ADGRB1: variants seen among roughly 807,000 people sequenced by gnomAD.
The protein encoded by ADGRB1 is brain-specific angiogenesis inhibitor 1.
Under a neutral mutation model 175.7 loss-of-function variants are expected in ADGRB1, and 36 were observed. The observed-to-expected ratio is 0.20, with a 90% confidence interval of 0.16 to 0.27. The LOEUF (loss-of-function observed/expected upper bound fraction) is 0.27. Ranked by LOEUF, ADGRB1 falls within the 10% of genes least tolerant of loss-of-function variation. The pLI, the probability that ADGRB1 is intolerant of heterozygous loss-of-function variation, is 1.00. For synonymous variants in ADGRB1, 1,054 were observed against 979.4 expected, an observed-to-expected ratio of 1.08 and a Z score of -1.42; for missense variants, 1,731 against 2,255.3, an observed-to-expected ratio of 0.77 and a Z score of 4.71.
At chr8:142,515,812 A>G (rs2132073826) in intron 18 of ADGRB1, among the ~76,000 whole-genome samples, 1 of 152,342 alleles carries the variant, frequency 6.6e-6, no homozygotes, top group East Asian at 1.9e-4. Flanking sequence ...CCAGAGGACC[A>G]CCAGTTTGAG....
rs34509976 is a variant in ADGRB1, at chr8:142,504,729, C to G, written c.2676-6203C>G. Among the ~76,000 whole-genome samples, 14,720 of 151,980 alleles carry G rather than the reference C, an allele frequency of 0.097. 1,360 individuals carry two copies. Among genetic ancestry groups the G allele is most frequent in the African/African-American group, 0.25 (10,252 of 41,362 alleles). ...TGAAGCATGACTAAGGGGCTTGTAC[C>G]TAGGGGTGATCGAGCCGCGTGTTGG... On this transcript the variant is annotated intron_variant, in intron 17 of 30. Transcript: ENST00000517894. The surrounding 1 kb of genome is among the most constrained non-coding windows in gnomAD (Gnocchi z 5.6).
intron 18 of ADGRB1, among the ~76,000 whole-genome samples, chr8:142,515,370 C>T (rs1457237413): frequency 6.6e-6 from 1 of 152,224 alleles, no homozygotes; most frequent in Non-Finnish European, 1.5e-5. Context: ...CCTTCTTCAT[C>T]GCCTGGAACC....
intron 24 of ADGRB1, among the ~76,000 whole-genome samples, chr8:142,530,889 C>CAGAA (rs1844587207): frequency 2.0e-5 from 3 of 152,212 alleles, no homozygotes; most frequent in Non-Finnish European, 2.9e-5. Flanking sequence ...CAGCAGCTCC[C>CAGAA]GGGCCTTTCT....
In ADGRB1 at chr8:142,484,809, G is replaced by A. The variant is rs367730344; in HGVS notation, c.2308+45G>A. ...GCCACCCCCCATGCCTTGCTTTGCA[G>A]CCCTGGGCCAGGCCCTTCTGCCTCA... is the stretch of plus-strand genomic sequence containing the variant. On this transcript the variant is annotated intron_variant, in intron 13 of 30. Coordinates refer to ENST00000517894, the MANE Select transcript of ADGRB1 (RefSeq NM_001702.3). The A allele has an allele frequency of 1.1e-5, 16 of 1,443,022 alleles. No homozygotes were observed. The African/African-American group carries it at 2.3e-4, about 20-fold the overall frequency. 89.4% of individuals were successfully genotyped at this position (1,443,022 alleles called of 1,614,324 possible).
At chr8:142,508,447 T>C (rs1163456166) in intron 17 of ADGRB1, among the ~76,000 whole-genome samples, 1 of 152,180 alleles carries the variant, frequency 6.6e-6, no homozygotes, top group Non-Finnish European at 1.5e-5. Context: ...ACCAGGACTT[T>C]CCAGGGACCC....
chr8:142,534,439 G>T (rs762613958), intron 25 of ADGRB1, among the ~76,000 whole-genome samples: 1 of 152,210 alleles, frequency 6.6e-6, no homozygotes, highest in African/African-American at 2.4e-5. Flanking sequence ...TGGGGATGCC[G>T]CCTGGAAACA....
intron 2 of ADGRB1, among the ~76,000 whole-genome samples, chr8:142,473,514 C>T (rs1362273846): frequency 3.3e-5 from 5 of 152,186 alleles, no homozygotes; most frequent in Admixed American, 6.5e-5. Context: ...AGGGCAGCCA[C>T]GAAGGGCCTG....
Position 142,477,167 on chromosome 8 carries a change from G to T in ADGRB1, c.1111G>T (p.Gly371Cys), listed in dbSNP as rs755580827. The T allele has an allele frequency of 6.3e-7, 1 of 1,594,488 alleles. No individual in the cohort carries two copies. The highest frequency in any genetic ancestry group is 1.7e-5 in the Admixed American group (1 of 59,644). ...GTGGAGCGTGTGCTCCAGCACCTGC[G>T]GCGAGGGCTGGCAGACCCGCACGCG... ...SPWSVCSSTC[G>C]EGWQTRTRFC... The change falls in exon 5 of 31, where the codon GGC becomes TGC. Residue 371 changes from glycine to cysteine, a missense_variant. Physicochemically the swap from Gly to Cys is radical, Grantham distance 159 (BLOSUM62 -3). Coordinates refer to ENST00000517894, the MANE Select transcript of ADGRB1 (RefSeq NM_001702.3).
At chr8:142,490,091 C>T (rs1231648404) in intron 16 of ADGRB1, among the ~76,000 whole-genome samples, 1 of 152,206 alleles carries the variant, frequency 6.6e-6, no homozygotes, top group Non-Finnish European at 1.5e-5. Context: ...GCCAGGCCTC[C>T]AGCCCAGGCC....
In ADGRB1 at chr8:142,487,738, A is replaced by AC. The variant is rs573633016; in HGVS notation, c.2309-625dup. ...CGTCCCCACGTCCATTTGCCCCTAA[A>AC]CGTGCTGCCTCATCCCCATGCCCAT... On this transcript the variant is annotated intron_variant, in intron 13 of 30. Transcript: ENST00000517894. 5.2e-3 allele frequency among the ~76,000 whole-genome samples: 785 copies of AC among 152,074 alleles called. 4 individuals are homozygous for AC. The highest frequency in any genetic ancestry group is 8.7e-3 in the Non-Finnish European group (593 of 67,970).
At chr8:142,532,086 G>A (rs1347073065) in intron 24 of ADGRB1, among the ~76,000 whole-genome samples, 4 of 152,106 alleles carry the variant, frequency 2.6e-5, no homozygotes, top group South Asian at 2.1e-4. Flanking sequence ...CATTCTGACC[G>A]CACACCTGGG....
chr8:142,544,065 C>T (rs941161847), intron 30 of ADGRB1, among the ~76,000 whole-genome samples, 155 bp from the exon 31 acceptor site: 3 of 152,130 alleles, frequency 2.0e-5, no homozygotes, highest in African/African-American at 7.2e-5. Context: ...CTGTTCTGGG[C>T]TCTTGTCCTG....
At chr8:142,531,056 TA>T (rs1162002464) in intron 24 of ADGRB1, among the ~76,000 whole-genome samples, 1 of 152,196 alleles carries the variant, frequency 6.6e-6, no homozygotes, top group Non-Finnish European at 1.5e-5. Flanking sequence ...TGCACCACTG[TA>T]TCCCCTGACG....
intron 24 of ADGRB1, 94 bp downstream of exon 24, chr8:142,526,721 C>T (rs1457814775): frequency 2.4e-6 from 3 of 1,262,590 alleles, no homozygotes; most frequent in Non-Finnish European, 3.4e-6. Flanking sequence ...CATGCCCAAT[C>T]TGAGACTGCA....
intron 17 of ADGRB1, among the ~76,000 whole-genome samples, chr8:142,501,410 G>A (rs1326025113): frequency 7.4e-5 from 7 of 94,936 alleles, no homozygotes; most frequent in South Asian, 7.1e-4. Context: ...TGGGGTGGTG[G>A]TGGTGATGAT....
At chr8:142,514,451 G>A (rs1843304628) in intron 18 of ADGRB1, among the ~76,000 whole-genome samples, 2 of 152,306 alleles carry the variant, frequency 1.3e-5, no homozygotes, top group South Asian at 4.1e-4. Flanking sequence ...TGAGGCGGAT[G>A]ATGCCACCTG....
chr8:142,513,766 A>G (rs1287085245), intron 18 of ADGRB1, among the ~76,000 whole-genome samples: 1 of 151,864 alleles, frequency 6.6e-6, no homozygotes, highest in East Asian at 1.9e-4. Context: ...TTACCAGCCG[A>G]GCATTGTGGG....
At chr8:142,466,312 G>T (rs1405426257) in intron 2 of ADGRB1, among the ~76,000 whole-genome samples, 1 of 152,184 alleles carries the variant, frequency 6.6e-6, no homozygotes, top group Non-Finnish European at 1.5e-5. Flanking sequence ...GTGTTTAAAG[G>T]CACAAAATAG....
chr8:142,526,535 C>T lies in ADGRB1; in HGVS notation c.3313-7C>T. ...CCCCCACACCCCCACCACTCTCTGC[C>T]CGGCAGGTGAACATGGTCATTGGGA... On this transcript the variant is annotated splice_region_variant and splice_polypyrimidine_tract_variant and intron_variant, in intron 23 of 30. Transcript: ENST00000517894. 1.3e-6 allele frequency: 2 copies of T among 1,590,612 alleles called. No individual in the cohort carries two copies. The highest frequency in any genetic ancestry group is 2.3e-5 in the South Asian group (2 of 87,004).
Sources: gnomAD v4.1 joint callset for allele counts (sites outside exome capture counted in the v4.1 genomes callset) on GRCh38, gnomAD v4.1.1 for gene constraint, Gnocchi (gnomAD v3.1) non-coding constraint, MANE v1.5 for transcripts, NCBI Gene and HGNC (gene_info 2026-07-23, HGNC 2026-07-21) for gene names.